The following EPPK1 variants were observed in gnomAD, a reference collection of about 807,000 sequenced individuals.
The protein encoded by EPPK1 is epiplakin.
For missense variants in EPPK1, 3,823 were observed against 3,673.3 expected (o/e 1.04, Z -1.05); for synonymous variants, 1,862 against 1,721.2 (o/e 1.08, Z -2.03).
Position 143,870,949 on chromosome 8 carries a change from C to T in EPPK1, c.2305G>A (p.Asp769Asn), listed in dbSNP as rs1819325820. 2.5e-6 allele frequency: 4 copies of T among 1,613,346 alleles called. No homozygotes were observed. The highest frequency in any genetic ancestry group is 4.5e-5 in the East Asian group (2 of 44,896). Residue 769 changes from aspartate to asparagine, a missense_variant, in exon 2 of 2, where the codon GAC (aspartate) becomes AAC (asparagine). By Grantham distance (23) the Asp-to-Asn change is conservative. Coordinates refer to ENST00000615648, the MANE Select transcript of EPPK1 (RefSeq NM_031308.4). The surrounding 1 kb of genome is among the most constrained non-coding windows in gnomAD (Gnocchi z 5.2). The part of the protein sequence containing the change: ...DPSDDTKGFF[D>N]PNTHENLTYL... ...GTGAGGTTCTCGTGCGTGTTGGGGTCGAAGAAGCCCTTGGTGTCGTCAGAA... is the reference window on the plus strand; with the variant it reads ...GTGAGGTTCTCGTGCGTGTTGGGGTTGAAGAAGCCCTTGGTGTCGTCAGAA...
At position 143,871,990 on chromosome 8, in the gene EPPK1, C is replaced by A. The variant is rs111565650; in HGVS notation, c.1264G>T (p.Gly422Cys). ...RLPLEAALRC[G>C]CLDEDTQRQL... is the part of the protein sequence containing the mutation. ...CGCTGAGTGTCTTCATCCAGGCAGC[C>A]GCAGCGCAGGGCGGCCTCCAGGGGC... Residue 422 changes from glycine (G) to cysteine (C), a missense_variant, in exon 2 of 2, where the codon GGC becomes TGC. Transcript: ENST00000615648. 6.3e-7 allele frequency: 1 copy of A among 1,588,598 alleles called. No homozygotes were observed. Among genetic ancestry groups the A allele is most frequent in the Admixed American group, 1.7e-5 (1 of 57,830 alleles).
rs782021058 is a variant in EPPK1 at position 143,867,620 on chromosome 8, A to T, written c.5634T>A (p.Thr1878=). 1.2e-6 allele frequency: 2 copies of T among 1,613,104 alleles called. No individual in the cohort carries two copies. Among genetic ancestry groups the T allele is most frequent in the South Asian group, 2.2e-5 (2 of 91,086 alleles). Residue 1878 remains threonine, a synonymous_variant, in exon 2 of 2, where the codon ACT becomes ACA. Transcript: ENST00000615648. ...CCAGCGTGCTGAGTGCCTGTCCCCC[A>T]GTCCTCCCCACACGAAGTGTGTGCA... ...KTLHTLRVGR[T]GGQALSTLEC...
intron 1 of EPPK1, among the ~76,000 whole-genome samples, chr8:143,877,603 C>T (rs1351942485): frequency 6.6e-6 from 1 of 152,142 alleles, no homozygotes; most frequent in Non-Finnish European, 1.5e-5. Context: ...GCCCCCACCG[C>T]AGCCTGGGAC....
chr8:143,870,057 C>T lies in EPPK1; in HGVS notation c.3197G>A (p.Arg1066His), dbSNP rs118079568. ...CTCCATCTCCTGGTCAACATAGCCACGCTGAATGGCCACTGGCATGGGGAG... is the reference window on the plus strand; with the variant it reads ...CTCCATCTCCTGGTCAACATAGCCATGCTGAATGGCCACTGGCATGGGGAG... The part of the protein sequence containing the change: ...HHLPMPVAIQ[R>H]GYVDQEMETA... Residue 1066 changes from arginine (R) to histidine (H), a missense_variant, in exon 2 of 2, where the codon CGT (arginine) becomes CAT (histidine). Coordinates refer to ENST00000615648, the MANE Select transcript of EPPK1 (RefSeq NM_031308.4). The surrounding 1 kb of genome is among the most constrained non-coding windows in gnomAD (Gnocchi z 5.2). 22,795 of 1,610,486 alleles carry T rather than the reference C, an allele frequency of 0.014. 260 individuals carry two copies. Among genetic ancestry groups the T allele is most frequent in the Admixed American group, 0.023 (1,364 of 59,614 alleles).
Position 143,873,035 on chromosome 8 carries a change from A to G in EPPK1, c.219T>C (p.Ala73=). The G allele has an allele frequency of 6.4e-7, 1 of 1,566,440 alleles. No individual in the cohort carries two copies. The highest frequency in any genetic ancestry group is 8.7e-7 in the Non-Finnish European group (1 of 1,155,634). The change falls in exon 2 of 2, where the codon GCT becomes GCC. Residue 73 remains alanine (A), a synonymous_variant. Coordinates refer to ENST00000615648, the MANE Select transcript of EPPK1 (RefSeq NM_031308.4). ...QGLLPAGLGQ[A]LLEAQAATGG... Reference sequence around the variant, plus strand: ...CAGTGGCTGCCTGGGCCTCTAGCAGAGCCTGCCCGAGCCCAGCAGGCAGGA... The same window carrying G: ...CAGTGGCTGCCTGGGCCTCTAGCAGGGCCTGCCCGAGCCCAGCAGGCAGGA...
At position 143,872,618 on chromosome 8, in the gene EPPK1, G is replaced by A; in HGVS notation, c.636C>T (p.His212=). 2 of 1,610,466 alleles carry A rather than the reference G, an allele frequency of 1.2e-6. No homozygotes were observed. Among genetic ancestry groups the A allele is most frequent in the South Asian group, 2.2e-5 (2 of 90,966 alleles). Reference sequence around the variant, plus strand: ...CACGCACACACCTTTCCAGCAGCTGGTGGTATGTCAGCCGCTCCAGCGTGT... The same window carrying A: ...CACGCACACACCTTTCCAGCAGCTGATGGTATGTCAGCCGCTCCAGCGTGT... The part of the protein sequence containing the change: ...DPNTLERLTY[H]QLLERCVRAP... The change falls in exon 2 of 2, where the codon CAC becomes CAT. Residue 212 remains histidine, a synonymous_variant. Coordinates refer to ENST00000615648, the MANE Select transcript of EPPK1 (RefSeq NM_031308.4).
chr8:143,858,240 C>A lies in EPPK1; in HGVS notation c.15014G>T (p.Arg5005Leu). 6.2e-7 allele frequency: 1 copy of A among 1,603,914 alleles called. No homozygotes were observed. The highest frequency in any genetic ancestry group is 8.5e-7 in the Non-Finnish European group (1 of 1,177,288). Residue 5005 changes from arginine to leucine, a missense_variant, in exon 2 of 2, where the codon CGC becomes CTC. Physicochemically the swap from Arg to Leu is moderately radical, Grantham distance 102 (BLOSUM62 -2). Coordinates refer to ENST00000615648, the MANE Select transcript of EPPK1 (RefSeq NM_031308.4). Reference sequence around the variant, plus strand: ...CGTGGCGATCTGGGCCTCCAGCAGGCGGATGCCGTGCTCCCGGACGATGAG... The same window carrying A: ...CGTGGCGATCTGGGCCTCCAGCAGGAGGATGCCGTGCTCCCGGACGATGAG... ...KDLIVREHGI[R>L]LLEAQIATGG...
chr8:143,872,480 C>A lies in EPPK1; in HGVS notation c.774G>T (p.Val258=). The change falls in exon 2 of 2, where the codon GTG becomes GTT. Residue 258 remains valine (V), a synonymous_variant. Transcript: ENST00000615648. ...CCAGCCTGCCCTCCCGCAGACCCTGCACAGCCTGCTCGTCCAGGATGCCCA... is the reference window on the plus strand; with the variant it reads ...CCAGCCTGCCCTCCCGCAGACCCTGAACAGCCTGCTCGTCCAGGATGCCCA... ...LEVGILDEQA[V]QGLREGRLAA... The A allele has an allele frequency of 6.3e-7, 1 of 1,592,784 alleles. No homozygotes were observed. Among genetic ancestry groups the A allele is most frequent in the South Asian group, 1.1e-5 (1 of 89,616 alleles).
chr8:143,869,930 A>T lies in EPPK1; in HGVS notation c.3324T>A (p.Ser1108=). 1 of 1,608,978 alleles carries T rather than the reference A, an allele frequency of 6.2e-7. No individual in the cohort carries two copies. The highest frequency in any genetic ancestry group is 8.5e-7 in the Non-Finnish European group (1 of 1,178,074). ...CTGGCAGGGGCAGGAGGTGAAGGCCAGAAGTCTCATCCCTGGGGCACTCCT... is the reference window on the plus strand; with the variant it reads ...CTGGCAGGGGCAGGAGGTGAAGGCCTGAAGTCTCATCCCTGGGGCACTCCT... ...LLEECPRDET[S]GLHLLPLPES... The change falls in exon 2 of 2, where the codon TCT becomes TCA. Residue 1108 remains serine, a synonymous_variant. Coordinates refer to ENST00000615648, the MANE Select transcript of EPPK1 (RefSeq NM_031308.4).
In EPPK1 at chr8:143,869,336, G is replaced by A. The variant is rs369651251; in HGVS notation, c.3918C>T (p.Val1306=). 2.2e-5 allele frequency: 36 copies of A among 1,608,666 alleles called. No homozygotes were observed. The highest frequency in any genetic ancestry group is 1.6e-4 in the African/African-American group (12 of 74,984). Residue 1306 remains valine (V), a synonymous_variant, in exon 2 of 2, where the codon GTC becomes GTT. Coordinates refer to ENST00000615648, the MANE Select transcript of EPPK1 (RefSeq NM_031308.4). ...QRLSVEDAVK[V]GLVGRELSEQ... ...CACTCAGCTCCCTGCCCACCAGGCC[G>A]ACCTTAACCGCGTCCTCCACTGACA...
At chr8:143,874,884 A>C (rs1819451208) in intron 1 of EPPK1, among the ~76,000 whole-genome samples, 2 of 148,778 alleles carry the variant, frequency 1.3e-5, no homozygotes, top group African/African-American at 2.5e-5. Flanking sequence ...CCCCACCCCC[A>C]CTCCACCGCT....
At position 143,867,146 on chromosome 8, in the gene EPPK1, C is replaced by T. The variant is rs1197054976; in HGVS notation, c.6108G>A (p.Leu2036=). ...PLETAYRRGC[L]HKDIYALISD... ...AAATGAGCGCATAGATGTCCTTGTG[C>T]AGACAGCCCCGTCTGTAGGCTGTTT... Residue 2036 remains leucine, a synonymous_variant, in exon 2 of 2, where the codon CTG becomes CTA. Transcript: ENST00000615648. 2 of 1,612,680 alleles carry T rather than the reference C, an allele frequency of 1.2e-6. No homozygotes were observed. Among genetic ancestry groups the T allele is most frequent in the Non-Finnish European group, 1.7e-6 (2 of 1,179,632 alleles).
At position 143,872,051 on chromosome 8, in the gene EPPK1, T is replaced by G; in HGVS notation, c.1203A>C (p.Thr401=). 1 of 1,560,264 alleles carries G rather than the reference T, an allele frequency of 6.4e-7. No homozygotes were observed. Among genetic ancestry groups the G allele is most frequent in the South Asian group, 1.2e-5 (1 of 85,860 alleles). ...TGCGTGCTGGACAGACCAGCCCGCC[T>G]GTGGCCAGCTGGGCATCCAAGAGCC... ...ALRLLDAQLA[T]GGLVCPARRL... Residue 401 remains threonine, a synonymous_variant, in exon 2 of 2, where the codon ACA becomes ACC. Transcript: ENST00000615648.
rs116187008 is a variant in EPPK1 at position 143,873,521 on chromosome 8, C to T, written c.-45-223G>A. Among the ~76,000 whole-genome samples, 465 of 152,172 alleles carry T rather than the reference C, an allele frequency of 3.1e-3. 2 individuals carry two copies. Among genetic ancestry groups the T allele is most frequent in the African/African-American group, 0.01 (428 of 41,518 alleles). ...GACCATGTGGGCGCAGGCACCCAGG[C>T]GGCGCCGGGAGGCCTCTCGGGACTC... On this transcript the variant is annotated intron_variant, in intron 1 of 1. Coordinates refer to ENST00000615648, the MANE Select transcript of EPPK1 (RefSeq NM_031308.4).
rs186320706 is a variant in EPPK1, at chr8:143,867,118, C to G, written c.6136G>C (p.Asp2046His). ...AACCGTTTCCTCATGTGCTTCTGGTCGGAAATGAGCGCATAGATGTCCTTG... is the reference window on the plus strand; with the variant it reads ...AACCGTTTCCTCATGTGCTTCTGGTGGGAAATGAGCGCATAGATGTCCTTG... ...LHKDIYALIS[D>H]QKHMRKRFVD... The change falls in exon 2 of 2, where the codon GAC (aspartate) becomes CAC (histidine). Residue 2046 changes from aspartate (D) to histidine (H), a missense_variant. By Grantham distance (81) the Asp-to-His change is moderately conservative. Transcript: ENST00000615648. 4 of 1,612,910 alleles carry G rather than the reference C, an allele frequency of 2.5e-6. No individual in the cohort carries two copies. Among genetic ancestry groups the G allele is most frequent in the South Asian group, 2.2e-5 (2 of 91,066 alleles).
At position 143,872,405 on chromosome 8, in the gene EPPK1, A is replaced by G; in HGVS notation, c.849T>C (p.Gly283=). 1 of 1,602,210 alleles carries G rather than the reference A, an allele frequency of 6.2e-7. No homozygotes were observed. The change falls in exon 2 of 2, where the codon GGT becomes GGC. Residue 283 remains glycine (G), a synonymous_variant. Coordinates refer to ENST00000615648, the MANE Select transcript of EPPK1 (RefSeq NM_031308.4). ...GGACAACCCCGGCCACGCTGCCGGT[A>G]CCCTCCAGGTAGCGCCGCACCTCGG... ...ARAEVRRYLE[G]TGSVAGVVLL... is the part of the protein sequence containing the mutation.
In EPPK1 at chr8:143,867,022, T is replaced by C. The variant is rs1260073543; in HGVS notation, c.6232A>G (p.Thr2078Ala). Residue 2078 changes from threonine (T) to alanine (A), a missense_variant, in exon 2 of 2, where the codon ACG (threonine) becomes GCG (alanine). By Grantham distance (58) the Thr-to-Ala change is moderately conservative. Coordinates refer to ENST00000615648, the MANE Select transcript of EPPK1 (RefSeq NM_031308.4). The stretch of plus-strand genomic sequence containing the variant: ...TTCACTGGGAACAGCAGCCAGCCCG[T>C]GTCCTCTTGTGGGCGGCACCTCTCC... ...LQERCRPQED[T>A]GWLLFPVNKA... 1.9e-6 allele frequency: 3 copies of C among 1,612,718 alleles called. No homozygotes were observed. The highest frequency in any genetic ancestry group is 2.2e-5 in the East Asian group (1 of 44,892).
In EPPK1 at chr8:143,867,216, G is replaced by A. The variant is rs571579347; in HGVS notation, c.6038C>T (p.Thr2013Met). The A allele has an allele frequency of 1.3e-5, 21 of 1,612,696 alleles. No individual in the cohort carries two copies. The East Asian group carries it at 1.6e-4, about 12-fold the overall frequency. ...ALRLLEVQVA[T>M]GGVIDPQHHH... ...GTGCTGTGGGTCGATGACACCCCCC[G>A]TGGCCACCTGCACCTCCAGCAGCCT... Residue 2013 changes from threonine (T) to methionine (M), a missense_variant, in exon 2 of 2, where the codon ACG becomes ATG. Physicochemically the swap from Thr to Met is moderately conservative, Grantham distance 81. Transcript: ENST00000615648.
intron 1 of EPPK1, among the ~76,000 whole-genome samples, chr8:143,875,851 G>A (rs568399890): frequency 3.3e-5 from 5 of 152,298 alleles, no homozygotes; most frequent in African/African-American, 9.6e-5. Context: ...CCAGGAAGTC[G>A]GCTATACCAC....
Sources: allele counts gnomAD v4.1 joint callset (sites outside exome capture counted in the v4.1 genomes callset), GRCh38; gene constraint gnomAD v4.1.1; non-coding constraint Gnocchi (gnomAD v3.1); transcripts MANE v1.5; gene names NCBI Gene and HGNC (gene_info 2026-07-23, HGNC 2026-07-21).